ASMTL: variants seen among roughly 807,000 people sequenced by gnomAD.
The protein encoded by ASMTL is probable bifunctional dTTP/UTP pyrophosphatase/methyltransferase protein.
A neutral mutation model predicts 60.3 loss-of-function variants in ASMTL; 57 were observed. The ratio of observed to expected loss-of-function variants is 0.95; its 90% CI spans 0.76 to 1.18. The LOEUF (loss-of-function observed/expected upper bound fraction) is 1.18. Ranked by LOEUF, ASMTL falls within the 50% of genes most tolerant of loss-of-function variation. The pLI is 0.00. For missense variants in ASMTL, 981 were observed against 852.6 expected, an observed-to-expected ratio of 1.15 and a Z score of -1.88; for synonymous variants, 419 against 373.0, an observed-to-expected ratio of 1.12 and a Z score of -1.42.
intron 4 of ASMTL, 76 bp from the exon 5 acceptor site, chrX:1,435,159 G>A: frequency 4.6e-6 from 7 of 1,510,354 alleles, no homozygotes; most frequent in Admixed American, 1.7e-5. Context: ...CTCAAAACCA[G>A]GGGAGGCAGC....
rs2090655188 is a variant in ASMTL at position 1,427,884 on chromosome X, A to T, written c.747T>A (p.Thr249=). Residue 249 remains threonine (T), a synonymous_variant, in exon 7 of 13, where the codon ACT becomes ACA. Coordinates refer to ENST00000381317, the MANE Select transcript of ASMTL (RefSeq NM_004192.4). ...SDVEGGGSEP[T]QRDAGSRDEK... ...CATCGCGGCTGCCCGCGTCCCTCTGAGTGGGCTCCGAGCCGCCCCCCTCCA... is the reference window on the plus strand; with the variant it reads ...CATCGCGGCTGCCCGCGTCCCTCTGTGTGGGCTCCGAGCCGCCCCCCTCCA... 1 of 1,613,174 alleles carries T rather than the reference A, an allele frequency of 6.2e-7. No individual in the cohort carries two copies. The highest frequency in any genetic ancestry group is 8.5e-7 in the Non-Finnish European group (1 of 1,179,810).
At chrX:1,448,918 T>C (rs2091290948) in intron 1 of ASMTL, among the ~76,000 whole-genome samples, 1 of 152,204 alleles carries the variant, frequency 6.6e-6, no homozygotes, top group Admixed American at 6.5e-5. Flanking sequence ...GTTCCCGTGA[T>C]TAAAAACTGC....
At chrX:1,440,281 G>A (rs758747042) in intron 2 of ASMTL, among the ~76,000 whole-genome samples, 15 of 152,068 alleles carry the variant, frequency 9.9e-5, no homozygotes, top group African/African-American at 3.1e-4. Context: ...TAGTACAGAC[G>A]GGGTTTCACC....
At chrX:1,436,236 C>T (rs1400522779) in intron 3 of ASMTL, among the ~76,000 whole-genome samples, 1 of 152,190 alleles carries the variant, frequency 6.6e-6, no homozygotes, top group Non-Finnish European at 1.5e-5. Context: ...TGCAGTGGCA[C>T]GGTCTTGGCT....
In ASMTL at chrX:1,439,216, C is replaced by T. The variant is rs371805177; in HGVS notation, c.226-72G>A. The stretch of plus-strand genomic sequence containing the variant: ...TCACAGAGAAGTTTTCCCGTCGGTA[C>T]GGGCGTGAAAGAGCACCGCAGGGGC... On this transcript the variant is annotated intron_variant, in intron 2 of 12. Coordinates refer to ENST00000381317, the MANE Select transcript of ASMTL (RefSeq NM_004192.4). 2.7e-4 allele frequency: 418 copies of T among 1,545,314 alleles called. 1 individual carries two copies. The African/African-American group carries it at 4.8e-3, about 18-fold the overall frequency.
chrX:1,418,936 C>CT (rs200008225), intron 10 of ASMTL, 46 bp downstream of exon 10: 37,094 of 1,610,548 alleles, frequency 0.023, 555 homozygotes, highest in Middle Eastern at 0.032. Context: ...ATACCTGTGG[C>CT]TTAATAAACG....
At chrX:1,416,600 T>C (rs1172318761) in intron 11 of ASMTL, among the ~76,000 whole-genome samples, 1 of 147,458 alleles carries the variant, frequency 6.8e-6, no homozygotes, top group Non-Finnish European at 1.5e-5. Flanking sequence ...TACACACATA[T>C]ACCCACACAG....
At chrX:1,433,145 G>A (rs1279770152) in intron 5 of ASMTL, among the ~76,000 whole-genome samples, 1 of 151,990 alleles carries the variant, frequency 6.6e-6, no homozygotes, top group African/African-American at 2.4e-5. Flanking sequence ...GTGCCTCAGG[G>A]TCCGGACACA....
intron 1 of ASMTL, among the ~76,000 whole-genome samples, chrX:1,446,693 G>T (rs1456803461): frequency 2.6e-5 from 4 of 151,976 alleles, no homozygotes; most frequent in Admixed American, 6.6e-5. Flanking sequence ...TAGAGACGGG[G>T]TTTCACCATG....
At chrX:1,451,360 G>T (rs1451696396) in intron 1 of ASMTL, among the ~76,000 whole-genome samples, 8 of 145,724 alleles carry the variant, frequency 5.5e-5, no homozygotes, top group South Asian at 2.2e-4. Context: ...TTCCTTGGGG[G>T]TCCCGGGTCA....
intron 2 of ASMTL, among the ~76,000 whole-genome samples, chrX:1,440,086 TTTC>T (rs1339456888): frequency 1.1e-3 from 165 of 149,294 alleles, no homozygotes; most frequent in African/African-American, 3.5e-3. Flanking sequence ...TATTTCTTTC[TTTC>T]TTTTTTTTTT....
rs777030276 is a variant in ASMTL, at chrX:1,412,723, G to C, written c.1645+9C>G. 57 of 1,613,794 alleles carry C rather than the reference G, an allele frequency of 3.5e-5. No homozygotes were observed. Among genetic ancestry groups the C allele is most frequent in the Non-Finnish European group, 4.7e-5 (56 of 1,179,830 alleles). On this transcript the variant is annotated intron_variant, in intron 12 of 12. Coordinates refer to ENST00000381317, the MANE Select transcript of ASMTL (RefSeq NM_004192.4). ...AACAAAAACAGCTAACCTGACGATG[G>C]GCTCTCACCTGGCTTGCAGCTCTCG...
chrX:1,438,951 A>G (rs2091041508), intron 3 of ASMTL, 146 bp downstream of exon 3: 1 of 902,878 alleles, frequency 1.1e-6, no homozygotes, highest in African/African-American at 1.6e-5. Flanking sequence ...TAGGCCCCTC[A>G]TCTGCTGGTA....
At chrX:1,436,321 A>C (rs184156460) in intron 3 of ASMTL, among the ~76,000 whole-genome samples, 8,791 of 149,666 alleles carry the variant, frequency 0.059, 750 homozygotes, top group African/African-American at 0.2. Flanking sequence ...ATACAGGTGC[A>C]CACCACCATG....
intron 12 of ASMTL, among the ~76,000 whole-genome samples, chrX:1,411,624 G>GCTGACAGTTCAGCAACACGGCTGTAAA (rs757145240): frequency 1.3e-5 from 2 of 150,944 alleles, no homozygotes; most frequent in Non-Finnish European, 3.0e-5. Flanking sequence ...ATTAGATCCA[G>GCTGACAGTTCAGCAACACGGCTGTAAA]CTGCAGAGTC....
At chrX:1,446,894 C>T (rs1389547259) in intron 1 of ASMTL, among the ~76,000 whole-genome samples, 2 of 152,144 alleles carry the variant, frequency 1.3e-5, no homozygotes, top group Non-Finnish European at 2.9e-5. Flanking sequence ...CTAGTCTTGC[C>T]TAATGGTTTT....
chrX:1,433,797 G>C (rs2090882884), intron 5 of ASMTL, among the ~76,000 whole-genome samples: 1 of 152,132 alleles, frequency 6.6e-6, no homozygotes, highest in Non-Finnish European at 1.5e-5. Context: ...CATACATCCT[G>C]CACCCAGCAC....
At chrX:1,423,406 G>T (rs1393448532) in intron 8 of ASMTL, among the ~76,000 whole-genome samples, 1 of 152,078 alleles carries the variant, frequency 6.6e-6, no homozygotes, top group Non-Finnish European at 1.5e-5. Flanking sequence ...AATCACAGAA[G>T]CACAGCCACC....
chrX:1,435,437 C>A, intron 4 of ASMTL: 1 of 610,418 alleles, frequency 1.6e-6, no homozygotes, highest in East Asian at 2.7e-5. Flanking sequence ...CAGGACACTG[C>A]CAACTTCTCA....
Sources: allele counts gnomAD v4.1 joint callset (sites outside exome capture counted in the v4.1 genomes callset), GRCh38; gene constraint gnomAD v4.1.1; transcripts MANE v1.5; gene names NCBI Gene and HGNC (gene_info 2026-07-23, HGNC 2026-07-21).